Variants in LRRC40 observed in about 807,000 individuals in gnomAD.
LRRC40 encodes the protein leucine-rich repeat-containing protein 40.
A neutral mutation model predicts 72.8 loss-of-function variants in LRRC40; 76 were observed. The ratio of observed to expected loss-of-function variants is 1.04; its 90% CI spans 0.87 to 1.26. LRRC40 has a LOEUF of 1.26. LRRC40 is among the 50% of genes most tolerant of loss of function. The pLI is 0.00. For synonymous variants in LRRC40, 243 were observed against 254.2 expected (o/e 0.96, Z 0.42); for missense variants, 684 against 698.9 (o/e 0.98, Z 0.24).
At chr1:70,159,764 T>C (rs571837853) in intron 9 of LRRC40, among the ~76,000 whole-genome samples, 13 of 152,104 alleles carry the variant, frequency 8.5e-5, no homozygotes, top group Non-Finnish European at 1.9e-4. Flanking sequence ...TTAAGTAAAA[T>C]AATATGGTCC....
rs4649912 is a variant in LRRC40 at position 70,179,673 on chromosome 1, T to G, written c.662-680A>C. On this transcript the variant is annotated intron_variant, in intron 5 of 14. Coordinates refer to ENST00000370952, the MANE Select transcript of LRRC40 (RefSeq NM_017768.5). ...GTATTTTTAAGTTGATTTATCAACT[T>G]AAGTTGAGATGTTCCTATCTCTCAA... 3.3e-3 allele frequency among the ~76,000 whole-genome samples: 496 copies of G among 152,338 alleles called. 6 individuals are homozygous for G. Among genetic ancestry groups the G allele is most frequent in the South Asian group, 0.031 (150 of 4,830 alleles).
intron 13 of LRRC40, among the ~76,000 whole-genome samples, chr1:70,150,735 A>G (rs1667460438): frequency 6.6e-6 from 1 of 152,172 alleles, no homozygotes; most frequent in Admixed American, 6.5e-5. Context: ...ATATGCTATT[A>G]GCTCTAACTA....
intron 9 of LRRC40, among the ~76,000 whole-genome samples, chr1:70,160,637 T>C (rs533438603): frequency 6.6e-6 from 1 of 152,274 alleles, no homozygotes; most frequent in East Asian, 1.9e-4. Flanking sequence ...AATATCTATG[T>C]ATACTACCAT....
At chr1:70,150,529 AG>A (rs1326013885) in intron 13 of LRRC40, among the ~76,000 whole-genome samples, 1 of 152,252 alleles carries the variant, frequency 6.6e-6, no homozygotes, top group Non-Finnish European at 1.5e-5. Flanking sequence ...AATTATCTGC[AG>A]TATCTTGATA....
At chr1:70,199,192 TAGC>T (rs1305427712) in intron 1 of LRRC40, among the ~76,000 whole-genome samples, 3 of 143,812 alleles carry the variant, frequency 2.1e-5, no homozygotes, top group East Asian at 2.0e-4. Context: ...AAATAAAAAA[TAGC>T]AGTCAAATTA....
Position 70,152,466 on chromosome 1 carries a change from C to A in LRRC40, c.1406G>T (p.Cys469Phe), listed in dbSNP as rs1667525853. ...TAAAAAAGTCAATTTCTGAAGCACA[C>A]ATAACTCCAAGGATATAAAGGAAAG... ...NKLSFISLELCVLQKLTFLDL... is the reference protein window; with the variant it reads ...NKLSFISLELFVLQKLTFLDL... Residue 469 changes from cysteine (C) to phenylalanine (F), a missense_variant, in exon 12 of 15, where the codon TGT (cysteine) becomes TTT (phenylalanine). By Grantham distance (205) the Cys-to-Phe change is radical (BLOSUM62 -2). Transcript: ENST00000370952. 1.9e-6 allele frequency: 3 copies of A among 1,601,882 alleles called. No individual in the cohort carries two copies. Among genetic ancestry groups the A allele is most frequent in the African/African-American group, 2.7e-5 (2 of 74,590 alleles).
chr1:70,160,802 G>T (rs1667740729), intron 9 of LRRC40, among the ~76,000 whole-genome samples: 1 of 151,376 alleles, frequency 6.6e-6, no homozygotes, highest in Non-Finnish European at 1.5e-5. Flanking sequence ...GCGTATTGTT[G>T]TTTTTTTTAA....
chr1:70,187,156 T>A (rs1050761395), intron 3 of LRRC40, 109 bp downstream of exon 3: 1 of 597,684 alleles, frequency 1.7e-6, no homozygotes, highest in South Asian at 2.1e-5. Flanking sequence ...CTGCTTTAAC[T>A]ACTTTCTGAG....
chr1:70,187,453 GCAA>G, intron 2 of LRRC40, 115 bp from the exon 3 acceptor site: 1 of 574,056 alleles, frequency 1.7e-6, no homozygotes, highest in Non-Finnish European at 3.2e-6. Flanking sequence ...AAATTCAATG[GCAA>G]CAAGTTGAAC....
At chr1:70,197,034 C>A (rs1296355501) in intron 1 of LRRC40, among the ~76,000 whole-genome samples, 2 of 152,168 alleles carry the variant, frequency 1.3e-5, no homozygotes, top group African/African-American at 2.4e-5. Flanking sequence ...CATGGCTCAA[C>A]AGAACTTTCT....
intron 4 of LRRC40, among the ~76,000 whole-genome samples, chr1:70,184,045 T>C (rs544539023): frequency 3.8e-4 from 58 of 152,108 alleles, no homozygotes; most frequent in African/African-American, 1.4e-3. Context: ...GGTCAGGAGT[T>C]CAAGATCAGT....
At position 70,145,518 on chromosome 1, in the gene LRRC40, A is replaced by T; in HGVS notation, c.*282T>A. 1 of 208,942 alleles carries T rather than the reference A, an allele frequency of 4.8e-6. No homozygotes were observed. Among genetic ancestry groups the T allele is most frequent in the Middle Eastern group, 1.6e-3 (1 of 628 alleles). The allele number at this position is 208,942 out of a possible 1,614,324, so 12.9% of individuals were successfully genotyped here. A position where few individuals can be genotyped will look rare whatever the true frequency, so the allele number is the denominator to read the frequency against. On this transcript the variant is annotated 3_prime_UTR_variant, in exon 15 of 15. Transcript: ENST00000370952. Reference sequence around the variant, plus strand: ...TAAGAAAATGAAAGTTAGCAGGATAAATCATAAGCAAAACATTTAGAACAA... The same window carrying T: ...TAAGAAAATGAAAGTTAGCAGGATATATCATAAGCAAAACATTTAGAACAA...
chr1:70,203,585 TGCCATGATAACA>T (rs2100361306), intron 1 of LRRC40, among the ~76,000 whole-genome samples: 1 of 152,338 alleles, frequency 6.6e-6, no homozygotes, highest in South Asian at 2.1e-4. Context: ...TAGAAGGTGC[TGCCATGATAACA>T]GCAATGGTGA....
intron 3 of LRRC40, among the ~76,000 whole-genome samples, chr1:70,185,939 T>C (rs1033124444): frequency 1.3e-5 from 2 of 152,202 alleles, no homozygotes. Flanking sequence ...TCATGCCATA[T>C]ACAGTTACTT....
rs1426422198 is a variant in LRRC40, at chr1:70,189,247, C to T, written c.178G>A (p.Val60Met). The part of the protein sequence containing the change: ...EVPQCVWRIN[V>M]DIPEEANQNL... Reference sequence around the variant, plus strand: ...TGATTAGCTTCCTCAGGGATATCCACATTTATTCTCCAGACACACTGCGGC... The same window carrying T: ...TGATTAGCTTCCTCAGGGATATCCATATTTATTCTCCAGACACACTGCGGC... Residue 60 changes from valine to methionine, a missense_variant, in exon 2 of 15, where the codon GTG (valine) becomes ATG (methionine). Physicochemically the swap from Val to Met is conservative, Grantham distance 21. Coordinates refer to ENST00000370952, the MANE Select transcript of LRRC40 (RefSeq NM_017768.5). 1.9e-6 allele frequency: 3 copies of T among 1,571,140 alleles called. No homozygotes were observed. Among genetic ancestry groups the T allele is most frequent in the Non-Finnish European group, 2.6e-6 (3 of 1,156,062 alleles).
chr1:70,203,677 C>T (rs548391796), intron 1 of LRRC40, among the ~76,000 whole-genome samples: 12 of 152,264 alleles, frequency 7.9e-5, no homozygotes, highest in Non-Finnish European at 1.6e-4. Context: ...CTTAATAGGT[C>T]CTGTTATGAC....
rs558599788 is a variant in LRRC40 at position 70,171,048 on chromosome 1, C to G, written c.1111+2417G>C. On this transcript the variant is annotated intron_variant, in intron 9 of 14. Coordinates refer to ENST00000370952, the MANE Select transcript of LRRC40 (RefSeq NM_017768.5). ...ATAAAACTGATGGTAGAAAAATAAA[C>G]CAATACATTTATAGTCAGTTGATTT... Among the ~76,000 whole-genome samples, 58 of 152,100 alleles carry G rather than the reference C, an allele frequency of 3.8e-4. 1 individual carries two copies. The South Asian group carries it at 0.012, about 31-fold the overall frequency.
At chr1:70,148,373 AG>A in intron 14 of LRRC40, 113 bp downstream of exon 14, 1 of 824,808 alleles carries the variant, frequency 1.2e-6, no homozygotes, top group Non-Finnish European at 1.9e-6. Flanking sequence ...TATTTTTAAC[AG>A]GATATTAAAT....
intron 6 of LRRC40, among the ~76,000 whole-genome samples, chr1:70,176,863 C>T (rs1229866499): frequency 6.6e-6 from 1 of 152,086 alleles, no homozygotes; most frequent in Non-Finnish European, 1.5e-5. Flanking sequence ...TATGTAGATA[C>T]TAGTTTATCA....
Sources: allele counts gnomAD v4.1 joint callset (sites outside exome capture counted in the v4.1 genomes callset), GRCh38; gene constraint gnomAD v4.1.1; transcripts MANE v1.5; gene names NCBI Gene and HGNC (gene_info 2026-07-23, HGNC 2026-07-21).